The following LRRTM4 variants were observed in gnomAD, a reference collection of about 807,000 sequenced individuals.
LRRTM4 encodes the protein leucine rich repeat transmembrane neuronal 4.
A neutral mutation model predicts 47.6 loss-of-function variants in LRRTM4; 25 were observed. The observed-to-expected ratio is 0.53, with a 90% CI of 0.38 to 0.73. The LOEUF is 0.73. LRRTM4 is among the 30% of genes least tolerant of loss of function. The pLI, the probability that LRRTM4 is intolerant of heterozygous loss-of-function variation, is 0.00. For missense variants in LRRTM4, 638 were observed against 713.4 expected, an observed-to-expected ratio of 0.89 and a Z score of 1.20; for synonymous variants, 311 against 269.5, an observed-to-expected ratio of 1.15 and a Z score of -1.51.
intron 3 of LRRTM4, among the ~76,000 whole-genome samples, chr2:77,142,848 T>A (rs984429079): frequency 1.3e-5 from 2 of 152,170 alleles, no homozygotes; most frequent in Non-Finnish European, 1.5e-5. Flanking sequence ...AATTTGCACT[T>A]ACACATAAGA....
At chr2:77,126,325 G>T (rs1007245839) in intron 3 of LRRTM4, among the ~76,000 whole-genome samples, 49 of 152,056 alleles carry the variant, frequency 3.2e-4, no homozygotes, top group Admixed American at 6.6e-4. Flanking sequence ...CACTAAATAT[G>T]ACAAATTAAT....
In LRRTM4 at chr2:76,748,466, T is replaced by C. The variant is rs183258926; in HGVS notation, c.*229A>G. The C allele has an allele frequency of 9.2e-4, 512 of 556,984 alleles. 8 individuals carry two copies. Among genetic ancestry groups the C allele is most frequent in the African/African-American group, 8.0e-3 (423 of 53,180 alleles). The allele number at this position is 556,984 out of a possible 1,614,324, so 34.5% of individuals were successfully genotyped here. ...CATCCGGGAGCATTTTTGTTTGTTT[T>C]ATGTTTTAAAGCAAAGAAAGTTCTG... On this transcript the variant is annotated 3_prime_UTR_variant, in exon 4 of 4. Coordinates refer to ENST00000409884, the MANE Select transcript of LRRTM4 (RefSeq NM_001134745.3).
At chr2:77,319,279 A>G (rs2104220907) in intron 3 of LRRTM4, among the ~76,000 whole-genome samples, 1 of 151,922 alleles carries the variant, frequency 6.6e-6, no homozygotes, top group South Asian at 2.1e-4. Flanking sequence ...CCCAGCTACT[A>G]GGGAGGTTGA....
chr2:77,257,622 C>T (rs1675804706), intron 3 of LRRTM4, among the ~76,000 whole-genome samples: 1 of 151,602 alleles, frequency 6.6e-6, no homozygotes. Flanking sequence ...AAAGCCTTGA[C>T]AAGAGCAGGA....
intron 3 of LRRTM4, among the ~76,000 whole-genome samples, chr2:76,968,352 A>ATGTGTG (rs1182322144): frequency 1.9e-5 from 2 of 105,292 alleles, no homozygotes; most frequent in Admixed American, 9.5e-5. Flanking sequence ...ATATATATAT[A>ATGTGTG]TATATATATA....
At chr2:77,345,902 T>C (rs1270336897) in intron 3 of LRRTM4, among the ~76,000 whole-genome samples, 1 of 151,620 alleles carries the variant, frequency 6.6e-6, no homozygotes. Context: ...CAAAGAAAAC[T>C]TGTACATGAT....
chr2:76,855,597 G>T (rs1672125884), intron 3 of LRRTM4, among the ~76,000 whole-genome samples: 1 of 152,122 alleles, frequency 6.6e-6, no homozygotes, highest in Non-Finnish European at 1.5e-5. Context: ...CCAAAAGGAT[G>T]TACAAAGACT....
intron 3 of LRRTM4, among the ~76,000 whole-genome samples, chr2:77,189,663 T>C (rs1411473702): frequency 6.6e-6 from 1 of 152,140 alleles, no homozygotes; most frequent in Non-Finnish European, 1.5e-5. Flanking sequence ...TCTTCAGAAC[T>C]GTGAGAGCTA....
chr2:76,916,662 T>C (rs944537055), intron 3 of LRRTM4, among the ~76,000 whole-genome samples: 5 of 152,098 alleles, frequency 3.3e-5, no homozygotes, highest in African/African-American at 7.2e-5. Context: ...AACAAACCAA[T>C]GCAAGTTAAA....
intron 3 of LRRTM4, among the ~76,000 whole-genome samples, chr2:77,203,782 T>A (rs1487615066): frequency 6.6e-6 from 1 of 152,178 alleles, no homozygotes. Flanking sequence ...AACACCTCTG[T>A]GTCAAGAAAC....
At position 77,475,781 on chromosome 2, in the gene LRRTM4, T is replaced by C. The variant is rs1274966144; in HGVS notation, c.1551+42537A>G. ...AAAAGAAGGTAATTAGTTTTTGGTG[T>C]AATTAGTATATACTTCACATGCTTT... On this transcript the variant is annotated intron_variant, in intron 3 of 3. Coordinates refer to ENST00000409884, the MANE Select transcript of LRRTM4 (RefSeq NM_001134745.3). Among the ~76,000 whole-genome samples the C allele has an allele frequency of 2.0e-5, 3 of 151,788 alleles. No individual in the cohort carries two copies. The East Asian group carries it at 5.8e-4, about 29-fold the overall frequency.
chr2:76,907,279 T>C (rs1404452375), intron 3 of LRRTM4, among the ~76,000 whole-genome samples: 3 of 15,092 alleles, frequency 2.0e-4, no homozygotes, highest in African/African-American at 2.9e-4. Flanking sequence ...GAAATAAAGA[T>C]GTTCTTTGAA....
chr2:77,134,054 A>C (rs1392380562), intron 3 of LRRTM4, among the ~76,000 whole-genome samples: 2 of 152,202 alleles, frequency 1.3e-5, no homozygotes, highest in Non-Finnish European at 2.9e-5. Context: ...AGATTCTATT[A>C]CATATAAATA....
intron 3 of LRRTM4, among the ~76,000 whole-genome samples, chr2:76,835,837 A>T (rs1474447928): frequency 6.6e-6 from 1 of 152,114 alleles, no homozygotes; most frequent in Admixed American, 6.6e-5. Flanking sequence ...GAGACCTATC[A>T]GAAAATAGAT....
intron 3 of LRRTM4, among the ~76,000 whole-genome samples, chr2:77,300,869 T>C (rs1486857985): frequency 2.0e-5 from 3 of 152,138 alleles, no homozygotes; most frequent in Non-Finnish European, 4.4e-5. Context: ...TTCCAATACA[T>C]ACTAAGTAAA....
intron 3 of LRRTM4, among the ~76,000 whole-genome samples, chr2:77,347,174 A>G (rs905738497): frequency 6.6e-6 from 1 of 152,182 alleles, no homozygotes; most frequent in Non-Finnish European, 1.5e-5. Flanking sequence ...GCTAAACCTT[A>G]AAGCGATAGT....
chr2:77,094,019 T>C (rs917457310), intron 3 of LRRTM4, among the ~76,000 whole-genome samples: 3 of 151,550 alleles, frequency 2.0e-5, no homozygotes, highest in Non-Finnish European at 4.4e-5. Context: ...CTTCGCTGAC[T>C]CTTTTCGGAT....
chr2:77,066,256 C>A (rs1379177249), intron 3 of LRRTM4, among the ~76,000 whole-genome samples: 4 of 150,880 alleles, frequency 2.7e-5, no homozygotes, highest in South Asian at 2.1e-4. Flanking sequence ...TGTCTCAGTT[C>A]TTCATCTATA....
intron 3 of LRRTM4, among the ~76,000 whole-genome samples, chr2:77,118,490 A>G (rs529999414): frequency 2.0e-5 from 3 of 152,064 alleles, no homozygotes; most frequent in Non-Finnish European, 4.4e-5. Flanking sequence ...CTTATTATTA[A>G]TGCCCAAGAT....
Sources: allele counts gnomAD v4.1 joint callset (sites outside exome capture counted in the v4.1 genomes callset), GRCh38; gene constraint gnomAD v4.1.1; transcripts MANE v1.5; gene names NCBI Gene and HGNC (gene_info 2026-07-23, HGNC 2026-07-21).